The following PPA1 variants were observed in gnomAD, a reference collection of about 807,000 sequenced individuals.
PPA1 encodes the protein inorganic pyrophosphatase.
PPA1 carries 23 observed loss-of-function variants against 41.8 expected under a neutral mutation model. The ratio of observed to expected loss-of-function variants is 0.55; its 90% confidence interval spans 0.40 to 0.78. PPA1 has a LOEUF of 0.78. Ranked by LOEUF, PPA1 falls within the 30% of genes least tolerant of loss-of-function variation. The pLI, the probability that PPA1 is intolerant of heterozygous loss-of-function variation, is 0.00. For missense variants in PPA1, 320 were observed against 361.6 expected, an observed-to-expected ratio of 0.89 and a Z score of 0.93; for synonymous variants, 101 against 116.8, an observed-to-expected ratio of 0.86 and a Z score of 0.87.
intron 6 of PPA1, chr10:70,210,139 T>C (rs1326670162): frequency 6.5e-6 from 2 of 308,478 alleles, no homozygotes; most frequent in Non-Finnish European, 1.2e-5. Flanking sequence ...TGGAATGCAG[T>C]GGCCCGAACA....
Position 70,204,790 on chromosome 10 carries a change from T to C in PPA1, c.838+83A>G, listed in dbSNP as rs535385394. 49 of 1,106,208 alleles carry C rather than the reference T, an allele frequency of 4.4e-5. No individual in the cohort carries two copies. The East Asian group carries it at 1.2e-3, about 28-fold the overall frequency. 68.5% of individuals were successfully genotyped at this position (1,106,208 alleles called of 1,614,324 possible). A position where few individuals can be genotyped will look rare whatever the true frequency, so the allele number is the denominator to read the frequency against. On this transcript the variant is annotated intron_variant, in intron 10 of 10. Transcript: ENST00000373232. ...TACCCATAAATATATTTAATTATCA[T>C]TTGTCAACTAAAAATAAAAGTAACA...
rs112145290 is a variant in PPA1, at chr10:70,229,964, A to G, written c.123+377T>C. Reference sequence around the variant, plus strand: ...TCACTCTGTCACCCAGCTGGAGTACAGTAGTGCCATCTCGGCTCACTGCAA... The same window carrying G: ...TCACTCTGTCACCCAGCTGGAGTACGGTAGTGCCATCTCGGCTCACTGCAA... On this transcript the variant is annotated intron_variant, in intron 2 of 10. Coordinates refer to ENST00000373232, the MANE Select transcript of PPA1 (RefSeq NM_021129.4). 5.3e-3 allele frequency among the ~76,000 whole-genome samples: 800 copies of G among 152,266 alleles called. 7 individuals are homozygous for G. The highest frequency in any genetic ancestry group is 0.017 in the African/African-American group (695 of 41,558).
chr10:70,233,428 G>A lies in PPA1; in HGVS notation c.-101C>T. 1 of 1,441,924 alleles carries A rather than the reference G, an allele frequency of 6.9e-7. No homozygotes were observed. Among genetic ancestry groups the A allele is most frequent in the East Asian group, 2.9e-5 (1 of 34,838 alleles). 89.3% of individuals were successfully genotyped at this position (1,441,924 alleles called of 1,614,324 possible). A position where few individuals can be genotyped will look rare whatever the true frequency, so the allele number is the denominator to read the frequency against. ...CCCACGCCTGCGCACTGCGAGCACTGGACCGGCGGGCGGGGCGGGGAGCGC... is the reference window on the plus strand; with the variant it reads ...CCCACGCCTGCGCACTGCGAGCACTAGACCGGCGGGCGGGGCGGGGAGCGC... On this transcript the variant is annotated 5_prime_UTR_variant, in exon 1 of 11. Coordinates refer to ENST00000373232, the MANE Select transcript of PPA1 (RefSeq NM_021129.4).
chr10:70,211,034 ATT>A (rs1840012829), intron 6 of PPA1, among the ~76,000 whole-genome samples: 1 of 152,188 alleles, frequency 6.6e-6, no homozygotes, highest in Non-Finnish European at 1.5e-5. Context: ...AAGTGCTGGG[ATT>A]ACAGGCGTGA....
chr10:70,209,995 C>A (rs1328268723), intron 6 of PPA1: 1 of 340,240 alleles, frequency 2.9e-6, no homozygotes, highest in Non-Finnish European at 5.4e-6. Flanking sequence ...GGGCAAACAG[C>A]TGGTGGCTAC....
chr10:70,210,364 A>T, intron 6 of PPA1: 1 of 1,364,840 alleles, frequency 7.3e-7, no homozygotes. Context: ...GGCTTGAGGT[A>T]CTATCCCTGG....
intron 3 of PPA1, chr10:70,218,469 G>A (rs1174556674): frequency 3.3e-6 from 1 of 299,134 alleles, no homozygotes; most frequent in East Asian, 6.4e-5. Flanking sequence ...GGGTGACTAA[G>A]GAGGGGTCAG....
chr10:70,209,737 A>G, intron 6 of PPA1, 52 bp from the exon 7 acceptor site: 1 of 1,513,888 alleles, frequency 6.6e-7, no homozygotes, highest in African/African-American at 1.4e-5. Flanking sequence ...TTTTAAAAAG[A>G]AAGAAGAGAA....
intron 2 of PPA1, among the ~76,000 whole-genome samples, chr10:70,229,940 C>T (rs1840270228): frequency 6.6e-6 from 1 of 151,982 alleles, no homozygotes; most frequent in Admixed American, 6.6e-5. Flanking sequence ...GACAGGGTCT[C>T]ACTCTGTCAC....
intron 3 of PPA1, 131 bp downstream of exon 3, chr10:70,218,633 C>A (rs945407673): frequency 7.1e-6 from 5 of 700,142 alleles, no homozygotes; most frequent in African/African-American, 5.4e-5. Flanking sequence ...ATGGGAGATA[C>A]AACTAGAAAA....
intron 1 of PPA1, among the ~76,000 whole-genome samples, chr10:70,232,628 C>A (rs1840300599): frequency 6.6e-6 from 1 of 152,180 alleles, no homozygotes; most frequent in African/African-American, 2.4e-5. Context: ...AGGGAAACAG[C>A]TTTCTGTTTC....
chr10:70,215,817 G>A (rs975836299), intron 4 of PPA1, among the ~76,000 whole-genome samples: 3 of 152,126 alleles, frequency 2.0e-5, no homozygotes, highest in Admixed American at 6.5e-5. Context: ...TATCATCACT[G>A]ACCAGGAGCC....
intron 2 of PPA1, among the ~76,000 whole-genome samples, chr10:70,227,320 T>A (rs1840239851): frequency 6.6e-6 from 1 of 152,230 alleles, no homozygotes; most frequent in African/African-American, 2.4e-5. Context: ...ACTGATTACC[T>A]AATGGCATAT....
intron 2 of PPA1, among the ~76,000 whole-genome samples, chr10:70,221,218 A>T (rs1840165307): frequency 6.7e-6 from 1 of 148,604 alleles, no homozygotes; most frequent in Non-Finnish European, 1.5e-5. Flanking sequence ...CTTTCCATCA[A>T]AAAACGGGAA....
chr10:70,229,751 T>G (rs1274203120), intron 2 of PPA1, among the ~76,000 whole-genome samples: 2 of 152,230 alleles, frequency 1.3e-5, no homozygotes, highest in Non-Finnish European at 2.9e-5. Context: ...ATTACGACTT[T>G]AGTTCCAAAT....
rs1160102029 is a variant in PPA1 at position 70,202,903 on chromosome 10, A to G, written c.*252T>C. 2.2e-5 allele frequency: 11 copies of G among 498,806 alleles called. No individual in the cohort carries two copies. The highest frequency in any genetic ancestry group is 3.9e-5 in the Non-Finnish European group (11 of 283,680). The allele number at this position is 498,806 out of a possible 1,614,324, so 30.9% of individuals were successfully genotyped here. A position where few individuals can be genotyped will look rare whatever the true frequency, so the allele number is the denominator to read the frequency against. ...CATCCAATATGTGCTCCCCTTGCACATCTATTCACAAGTGACTTCCAAATG... is the reference window on the plus strand; with the variant it reads ...CATCCAATATGTGCTCCCCTTGCACGTCTATTCACAAGTGACTTCCAAATG... On this transcript the variant is annotated 3_prime_UTR_variant, in exon 11 of 11. Transcript: ENST00000373232.
chr10:70,231,895 G>T (rs1307383686), intron 1 of PPA1, among the ~76,000 whole-genome samples: 1 of 152,180 alleles, frequency 6.6e-6, no homozygotes, highest in East Asian at 1.9e-4. Context: ...CAGTGTGTTT[G>T]TTCTGCATAT....
chr10:70,229,540 G>A (rs1219096117), intron 2 of PPA1, among the ~76,000 whole-genome samples: 1 of 152,174 alleles, frequency 6.6e-6, no homozygotes, highest in East Asian at 1.9e-4. Context: ...GTGTATACAG[G>A]AACAGCTATG....
intron 2 of PPA1, among the ~76,000 whole-genome samples, chr10:70,226,838 A>C (rs1391762259): frequency 6.6e-6 from 1 of 152,194 alleles, no homozygotes; most frequent in Non-Finnish European, 1.5e-5. Flanking sequence ...ATTTGATTAG[A>C]GGCTTGACTT....
Sources: gnomAD v4.1 joint callset for allele counts (sites outside exome capture counted in the v4.1 genomes callset) on GRCh38, gnomAD v4.1.1 for gene constraint, MANE v1.5 for transcripts, NCBI Gene and HGNC (gene_info 2026-07-23, HGNC 2026-07-21) for gene names.